PAPPA2: variants seen among roughly 807,000 people sequenced by gnomAD.
PAPPA2 encodes the protein pappalysin 2, also known as pappalysin-2.
PAPPA2 carries 86 observed loss-of-function variants against 176.4 expected under a neutral mutation model. The observed-to-expected ratio is 0.49, with a 90% CI of 0.41 to 0.58. The LOEUF (loss-of-function observed/expected upper bound fraction) is 0.58. PAPPA2 is among the 20% of genes least tolerant of loss of function. The pLI, the probability that PAPPA2 is intolerant of heterozygous loss-of-function variation, is 0.00. For missense variants in PAPPA2, 2,073 were observed against 2,256.9 expected (o/e 0.92, Z 1.65); for synonymous variants, 809 against 852.2 (o/e 0.95, Z 0.88).
At chr1:176,547,927 G>T (rs1650729489) in intron 1 of PAPPA2, among the ~76,000 whole-genome samples, 1 of 152,190 alleles carries the variant, frequency 6.6e-6, no homozygotes, top group Non-Finnish European at 1.5e-5. Context: ...CCGACCCACA[G>T]CTACATGTAA....
rs71129580 is a variant in PAPPA2 at position 176,623,758 on chromosome 1, CCTTTCTTTCTTT to C, written c.1991+28203_1991+28214del. 2.3e-3 allele frequency among the ~76,000 whole-genome samples: 134 copies of C among 59,064 alleles called. 1 individual carries two copies. The highest frequency in any genetic ancestry group is 1.8e-3 in the South Asian group (2 of 1,128). 38.7% of individuals were successfully genotyped at this position (59,064 alleles called of 152,430 possible). A position where few individuals can be genotyped will look rare whatever the true frequency, so the allele number is the denominator to read the frequency against. On this transcript the variant is annotated intron_variant, in intron 3 of 22. Transcript: ENST00000367662. ...TTTCTTTCTCTCTCTTTCCTTCCTT[CCTTTCTTTCTTT>C]CTTTCTTTCTTTCTTTCTTTCTTTC...
intron 4 of PAPPA2, among the ~76,000 whole-genome samples, chr1:176,678,408 T>TA (rs931023429): frequency 8.6e-5 from 13 of 151,646 alleles, no homozygotes; most frequent in African/African-American, 9.7e-5. Context: ...ATCATTTATT[T>TA]AAAAAAAATC....
At chr1:176,519,350 T>C (rs1292626875) in intron 1 of PAPPA2, among the ~76,000 whole-genome samples, 1 of 152,068 alleles carries the variant, frequency 6.6e-6, no homozygotes, top group African/African-American at 2.4e-5. Flanking sequence ...TCCTGGAGAC[T>C]ACAGAGTCTG....
chr1:176,732,659 C>G (rs1428787627), intron 12 of PAPPA2, among the ~76,000 whole-genome samples: 1 of 152,136 alleles, frequency 6.6e-6, no homozygotes, highest in South Asian at 2.1e-4. Context: ...GTTAGAAATG[C>G]AGGATCTCAG....
At chr1:176,611,421 CATA>C (rs1021912549) in intron 3 of PAPPA2, among the ~76,000 whole-genome samples, 19 of 152,310 alleles carry the variant, frequency 1.2e-4, no homozygotes, top group African/African-American at 4.6e-4. Context: ...TCATGTGGCA[CATA>C]ATATTTTCAT....
At chr1:176,755,672 G>GT (rs1173574321) in intron 14 of PAPPA2, among the ~76,000 whole-genome samples, 3 of 152,150 alleles carry the variant, frequency 2.0e-5, no homozygotes, top group African/African-American at 7.2e-5. Flanking sequence ...TACTGCCTTT[G>GT]CAAATCATGT....
At chr1:176,770,861 C>T (rs892099600) in intron 16 of PAPPA2, 106 bp from the exon 17 acceptor site, 23 of 1,038,894 alleles carry the variant, frequency 2.2e-5, no homozygotes, top group Non-Finnish European at 3.1e-5. Flanking sequence ...AATAATATGA[C>T]TTTTGAAAGG....
At chr1:176,526,851 A>C (rs1313178214) in intron 1 of PAPPA2, among the ~76,000 whole-genome samples, 1 of 152,246 alleles carries the variant, frequency 6.6e-6, no homozygotes, top group Non-Finnish European at 1.5e-5. Flanking sequence ...ACATAAACTA[A>C]ATGCTTGTCC....
chr1:176,754,754 GA>G (rs1436479375), intron 14 of PAPPA2, among the ~76,000 whole-genome samples: 2 of 152,226 alleles, frequency 1.3e-5, no homozygotes, highest in Non-Finnish European at 2.9e-5. Flanking sequence ...AGAGAGCACA[GA>G]AAATAAAAGG....
intron 21 of PAPPA2, among the ~76,000 whole-genome samples, chr1:176,806,155 C>G (rs1221800720): frequency 6.6e-6 from 1 of 152,148 alleles, no homozygotes; most frequent in East Asian, 1.9e-4. Context: ...TTTCCAATAA[C>G]TCTGTCTGAG....
chr1:176,606,418 A>G (rs1654614682), intron 3 of PAPPA2, among the ~76,000 whole-genome samples: 1 of 152,196 alleles, frequency 6.6e-6, no homozygotes, highest in Non-Finnish European at 1.5e-5. Context: ...GAGGGCAAGG[A>G]AAGGAAAACT....
In PAPPA2 at chr1:176,720,895, C is replaced by A. The variant is rs1014047418; in HGVS notation, c.3798+8914C>A. Among the ~76,000 whole-genome samples, 56 of 152,250 alleles carry A rather than the reference C, an allele frequency of 3.7e-4. 2 individuals are homozygous for A. The highest frequency in any genetic ancestry group is 2.6e-3 in the Admixed American group (40 of 15,292). ...CCCAGAGTCCAAAGGCTTAAGAACC[C>A]AGAGTTCTGATGCCCAAGGGGAAAG... On this transcript the variant is annotated intron_variant, in intron 12 of 22. Coordinates refer to ENST00000367662, the MANE Select transcript of PAPPA2 (RefSeq NM_020318.3).
At chr1:176,618,280 T>C (rs866572368) in intron 3 of PAPPA2, among the ~76,000 whole-genome samples, 4 of 152,180 alleles carry the variant, frequency 2.6e-5, no homozygotes, top group Non-Finnish European at 4.4e-5. Flanking sequence ...CTGAGTCCCA[T>C]TTTGTCAAAA....
chr1:176,680,156 A>G (rs1659513318), intron 4 of PAPPA2, among the ~76,000 whole-genome samples: 1 of 152,236 alleles, frequency 6.6e-6, no homozygotes. Flanking sequence ...TTCAATACTT[A>G]TGCAATACAG....
intron 1 of PAPPA2, among the ~76,000 whole-genome samples, chr1:176,473,459 T>C (rs1438331718): frequency 6.6e-6 from 1 of 152,220 alleles, no homozygotes; most frequent in African/African-American, 2.4e-5. Flanking sequence ...GCTGCAAAAT[T>C]TTGGCAATTG....
intron 3 of PAPPA2, among the ~76,000 whole-genome samples, chr1:176,610,581 C>G (rs1654861786): frequency 6.6e-6 from 1 of 152,090 alleles, no homozygotes; most frequent in African/African-American, 2.4e-5. Context: ...GATGCTCCCC[C>G]TAGACACAGT....
At chr1:176,724,963 A>G (rs899741012) in intron 12 of PAPPA2, among the ~76,000 whole-genome samples, 7 of 152,284 alleles carry the variant, frequency 4.6e-5, no homozygotes, top group Admixed American at 4.6e-4. Context: ...AATCCAGTTT[A>G]TGGAAAAACT....
In PAPPA2 at chr1:176,682,819, T is replaced by G. The variant is rs1354553078; in HGVS notation, c.2138-7318T>G. Among the ~76,000 whole-genome samples, 3 of 152,228 alleles carry G rather than the reference T, an allele frequency of 2.0e-5. No homozygotes were observed. The East Asian group carries it at 5.8e-4, about 29-fold the overall frequency. ...ACCCCAAGTCACAGTTTTATAACTT[T>G]GTCTGCTCATTGTGGACAGCATGTT... is the stretch of plus-strand genomic sequence containing the variant. On this transcript the variant is annotated intron_variant, in intron 4 of 22. Transcript: ENST00000367662.
chr1:176,637,189 G>A (rs1656749085), intron 3 of PAPPA2, among the ~76,000 whole-genome samples: 2 of 152,056 alleles, frequency 1.3e-5, no homozygotes, highest in African/African-American at 4.8e-5. Context: ...CAGGGCACTT[G>A]CAGAAGGATA....
Sources: allele counts gnomAD v4.1 joint callset (sites outside exome capture counted in the v4.1 genomes callset), GRCh38; gene constraint gnomAD v4.1.1; transcripts MANE v1.5; gene names NCBI Gene and HGNC (gene_info 2026-07-23, HGNC 2026-07-21).